Variants in CSMD1 observed in about 807,000 individuals in gnomAD.
The protein encoded by CSMD1 is CUB and sushi domain-containing protein 1.
CSMD1 carries 213 observed loss-of-function variants against 417.5 expected under a neutral mutation model. The ratio of observed to expected loss-of-function variants is 0.51; its 90% CI spans 0.46 to 0.57. The LOEUF is 0.57. Ranked by LOEUF, CSMD1 falls within the 20% of genes least tolerant of loss-of-function variation. The pLI, the probability that CSMD1 is intolerant of heterozygous loss-of-function variation, is 0.00. For missense variants in CSMD1, 6,923 were observed against 4,529.7 expected (o/e 1.53, Z -15.17); for synonymous variants, 2,862 against 1,736.8 (o/e 1.65, Z -16.11).
chr8:4,406,301 G>A (rs142902803), intron 3 of CSMD1, among the ~76,000 whole-genome samples: 1,772 of 152,124 alleles, frequency 0.012, 15 homozygotes, highest in Non-Finnish European at 0.018. Flanking sequence ...CAAACCCTTT[G>A]CAATTGGGCT....
intron 38 of CSMD1, among the ~76,000 whole-genome samples, chr8:3,159,995 G>C (rs555997886): frequency 2.0e-5 from 3 of 152,248 alleles, no homozygotes; most frequent in East Asian, 3.9e-4. Context: ...GGAGAATGGA[G>C]GAAACATGAT....
intron 1 of CSMD1, among the ~76,000 whole-genome samples, chr8:4,982,569 T>A (rs187322974): frequency 3.9e-5 from 6 of 152,360 alleles, no homozygotes; most frequent in African/African-American, 1.2e-4. Flanking sequence ...TTAACTTAGG[T>A]ACTTCTTTCT....
chr8:3,341,580 G>C (rs1348266), intron 23 of CSMD1, among the ~76,000 whole-genome samples: 89,206 of 151,892 alleles, frequency 0.59, 26,610 homozygotes, highest in African/African-American at 0.69. Context: ...TAGTAACATC[G>C]CAAATTGCAG....
At chr8:4,881,843 C>G (rs1219101395) in intron 1 of CSMD1, among the ~76,000 whole-genome samples, 1 of 151,926 alleles carries the variant, frequency 6.6e-6, no homozygotes, top group Non-Finnish European at 1.5e-5. Context: ...TTCTACAATT[C>G]GAGCATTATT....
chr8:4,776,115 G>T (rs958723837), intron 1 of CSMD1, among the ~76,000 whole-genome samples: 1 of 152,078 alleles, frequency 6.6e-6, no homozygotes, highest in Non-Finnish European at 1.5e-5. Flanking sequence ...CAGATTGCCA[G>T]GACAATCACA....
At chr8:3,600,715 G>A (rs1175978693) in intron 8 of CSMD1, among the ~76,000 whole-genome samples, 1 of 151,912 alleles carries the variant, frequency 6.6e-6, no homozygotes, top group Non-Finnish European at 1.5e-5. Context: ...ATTTTACTGA[G>A]GGATCCAGGC....
chr8:4,766,161 T>C (rs1339957061), intron 1 of CSMD1, among the ~76,000 whole-genome samples: 1 of 152,222 alleles, frequency 6.6e-6, no homozygotes, highest in African/African-American at 2.4e-5. Flanking sequence ...GTACTAGTCC[T>C]GTAGACCTGA....
intron 3 of CSMD1, among the ~76,000 whole-genome samples, chr8:4,046,270 T>A (rs950429042): frequency 1.3e-5 from 2 of 152,194 alleles, no homozygotes; most frequent in African/African-American, 4.8e-5. Context: ...ATTATTGAAT[T>A]CTTGGCTGTT....
At position 3,650,205 on chromosome 8, in the gene CSMD1, G is replaced by A. The variant is rs570696358; in HGVS notation, c.1010-33408C>T. Among the ~76,000 whole-genome samples the A allele has an allele frequency of 1.4e-4, 21 of 151,964 alleles. No homozygotes were observed. In the South Asian group the frequency reaches 3.5e-3, roughly 26 times the overall value. The stretch of plus-strand genomic sequence containing the variant: ...GAGGTAGGAGAATTGCTTGAACCCA[G>A]AAGGCAGATTTGCAATGACCTGAGA... On this transcript the variant is annotated intron_variant, in intron 7 of 69. Coordinates refer to ENST00000635120, the MANE Select transcript of CSMD1 (RefSeq NM_033225.6).
chr8:4,793,660 G>C (rs1408182903), intron 1 of CSMD1, among the ~76,000 whole-genome samples: 2 of 152,024 alleles, frequency 1.3e-5, no homozygotes, highest in Non-Finnish European at 2.9e-5. Flanking sequence ...TAGCAATGTT[G>C]ACGCCTCTGC....
At chr8:3,713,515 C>G (rs771885500) in intron 6 of CSMD1, among the ~76,000 whole-genome samples, 1 of 152,122 alleles carries the variant, frequency 6.6e-6, no homozygotes, top group Non-Finnish European at 1.5e-5. Flanking sequence ...CTGCCCCAGC[C>G]CCCACAGCCA....
intron 4 of CSMD1, among the ~76,000 whole-genome samples, chr8:4,028,160 A>G (rs1797159831): frequency 6.6e-6 from 1 of 152,216 alleles, no homozygotes; most frequent in African/African-American, 2.4e-5. Context: ...TTTAGAAAAA[A>G]TAATGGGCAT....
At chr8:4,538,450 C>G (rs1349655897) in intron 2 of CSMD1, among the ~76,000 whole-genome samples, 1 of 152,052 alleles carries the variant, frequency 6.6e-6, no homozygotes, top group African/African-American at 2.4e-5. Flanking sequence ...TGAGACCAGC[C>G]TGGTCGACAT....
chr8:4,703,707 A>G (rs1460730877), intron 1 of CSMD1, among the ~76,000 whole-genome samples: 1 of 152,186 alleles, frequency 6.6e-6, no homozygotes, highest in Non-Finnish European at 1.5e-5. Context: ...CTTGAATTAA[A>G]AGATTTTCTT....
chr8:3,701,883 T>G (rs1322094768), intron 7 of CSMD1, among the ~76,000 whole-genome samples: 1 of 152,162 alleles, frequency 6.6e-6, no homozygotes, highest in African/African-American at 2.4e-5. Flanking sequence ...TGTGTGTCGT[T>G]ATGAAGGACA....
chr8:2,974,455 G>C lies in CSMD1; in HGVS notation c.8736C>G (p.Cys2912Trp), dbSNP rs1331705284. 6.2e-7 allele frequency: 1 copy of C among 1,601,594 alleles called. No homozygotes were observed. The highest frequency in any genetic ancestry group is 1.3e-5 in the African/African-American group (1 of 74,590). Residue 2912 changes from cysteine to tryptophan, a missense_variant, in exon 56 of 70, where the codon TGC (cysteine) becomes TGG (tryptophan). Transcript: ENST00000635120. ...GTTCACTCGTAAGCCCCTCACCTGT[G>C]CAGTGGGGCAGTGCCCCGCTCCAGT... ...DSHWSGALPH[C>W]TGNNPGFCGD...
At chr8:3,610,544 A>G (rs146802192) in intron 8 of CSMD1, among the ~76,000 whole-genome samples, 49 of 152,292 alleles carry the variant, frequency 3.2e-4, no homozygotes, top group African/African-American at 1.1e-3. Context: ...TAAGTATATA[A>G]TATAGGTCAT....
At chr8:4,046,356 A>G (rs73496755) in intron 3 of CSMD1, among the ~76,000 whole-genome samples, 2,115 of 152,302 alleles carry the variant, frequency 0.014, 42 homozygotes, top group East Asian at 0.09. Context: ...TGTTATCATT[A>G]TAAACACTTT....
chr8:3,293,297 A>T (rs1584943908), intron 25 of CSMD1, among the ~76,000 whole-genome samples: 2 of 151,950 alleles, frequency 1.3e-5, no homozygotes, highest in East Asian at 3.9e-4. Context: ...TCTGACAATT[A>T]TGTGTCTTTG....
Sources: gnomAD v4.1 joint callset for allele counts (sites outside exome capture counted in the v4.1 genomes callset) on GRCh38, gnomAD v4.1.1 for gene constraint, MANE v1.5 for transcripts, NCBI Gene and HGNC (gene_info 2026-07-23, HGNC 2026-07-21) for gene names.